The following ADAMTS20 variants were observed in gnomAD, a reference collection of about 807,000 sequenced individuals.
The protein encoded by ADAMTS20 is A disintegrin and metalloproteinase with thrombospondin motifs 20.
In ADAMTS20, 225 loss-of-function variants were observed where a neutral mutation model predicts 260.1. The ratio of observed to expected loss-of-function variants is 0.87; its 90% CI spans 0.78 to 0.97. The LOEUF (loss-of-function observed/expected upper bound fraction) is 0.97, where lower values mean the gene tolerates loss of function less well. Ranked by LOEUF, ADAMTS20 falls within the 50% of genes least tolerant of loss-of-function variation. The pLI, the probability that ADAMTS20 is intolerant of heterozygous loss-of-function variation, is 0.00. For synonymous variants in ADAMTS20, 802 were observed against 769.5 expected, an observed-to-expected ratio of 1.04 and a Z score of -0.70; for missense variants, 2,400 against 2,337.7, an observed-to-expected ratio of 1.03 and a Z score of -0.55.
chr12:43,420,825 T>TTTTCC (rs1941216935), intron 28 of ADAMTS20, among the ~76,000 whole-genome samples: 1 of 111,216 alleles, frequency 9.0e-6, no homozygotes, highest in African/African-American at 3.9e-5. Flanking sequence ...TTTTTTTTTT[T>TTTTCC]GAGATGGGGT....
rs566102301 is a variant in ADAMTS20 at position 43,424,355 on chromosome 12, T to C, written c.4284+1159A>G. ...GAACAAAGTTTATGAGTTTTGTCTA[T>C]GGCTCCAATAAAAACCCAGAAAATT... On this transcript the variant is annotated intron_variant, in intron 28 of 38. Coordinates refer to ENST00000389420, the MANE Select transcript of ADAMTS20 (RefSeq NM_025003.5). 6.4e-4 allele frequency among the ~76,000 whole-genome samples: 98 copies of C among 152,208 alleles called. 2 individuals carry two copies. In the South Asian group the frequency reaches 0.018, roughly 29 times the overall value.
At chr12:43,497,814 A>C (rs1942698660) in intron 4 of ADAMTS20, among the ~76,000 whole-genome samples, 1 of 152,116 alleles carries the variant, frequency 6.6e-6, no homozygotes, top group Admixed American at 6.5e-5. Context: ...ATTCTTGAGG[A>C]TTACATGATG....
chr12:43,526,186 G>C (rs774206985), intron 3 of ADAMTS20, among the ~76,000 whole-genome samples: 18 of 152,226 alleles, frequency 1.2e-4, no homozygotes, highest in Non-Finnish European at 2.1e-4. Flanking sequence ...CAGGCGCGCA[G>C]TGGCTCACGC....
At chr12:43,542,969 G>T (rs1943395849) in intron 2 of ADAMTS20, among the ~76,000 whole-genome samples, 4 of 152,110 alleles carry the variant, frequency 2.6e-5, no homozygotes, top group Admixed American at 2.0e-4. Context: ...CCAGAAGGTA[G>T]AACCAAGGAT....
rs1940414902 is a variant in ADAMTS20 at position 43,383,966 on chromosome 12, G to A, written c.4464C>T (p.Thr1488=). The A allele has an allele frequency of 1.9e-6, 3 of 1,613,532 alleles. No individual in the cohort carries two copies. The East Asian group carries it at 6.7e-5, about 36-fold the overall frequency. ...CCCTCTGCTGAACTCCAGAGCCACA[G>A]GTCACAGAGCACTACAAAGGAGTCC... ...KANSWNECSV[T]CGSGVQQRDV... is the part of the protein sequence containing the mutation. The change falls in exon 30 of 39, where the codon ACC becomes ACT. Residue 1488 remains threonine (T), a synonymous_variant. Transcript: ENST00000389420.
At chr12:43,391,828 C>A (rs866053191) in intron 29 of ADAMTS20, among the ~76,000 whole-genome samples, 1 of 152,126 alleles carries the variant, frequency 6.6e-6, no homozygotes, top group Non-Finnish European at 1.5e-5. Flanking sequence ...CTAAGAATTT[C>A]GTTTACCCAG....
Position 43,432,662 on chromosome 12 carries a change from G to T in ADAMTS20, c.2870C>A (p.Thr957Asn). 6.2e-7 allele frequency: 1 copy of T among 1,613,924 alleles called. No homozygotes were observed. The highest frequency in any genetic ancestry group is 2.2e-5 in the East Asian group (1 of 44,866). The change falls in exon 20 of 39, where the codon ACC becomes AAC. Residue 957 changes from threonine (T) to asparagine (N), a missense_variant. Thr to Asn is a moderately conservative substitution (Grantham distance 65). Coordinates refer to ENST00000389420, the MANE Select transcript of ADAMTS20 (RefSeq NM_025003.5). The stretch of plus-strand genomic sequence containing the variant: ...ACAGTTACCATGGCATAGTTCTTGG[G>T]TAGGAGGTTTAAGCTGGTCACCACA... ...HYCGDQLKPP[T>N]QELCHGNCVF...
rs777110059 is a variant in ADAMTS20 at position 43,383,607 on chromosome 12, C to A, written c.4748G>T (p.Cys1583Phe). Residue 1583 changes from cysteine to phenylalanine, a missense_variant, in exon 31 of 39, where the codon TGC (cysteine) becomes TTC (phenylalanine). Coordinates refer to ENST00000389420, the MANE Select transcript of ADAMTS20 (RefSeq NM_025003.5). ...SSTISLTSKN[C>F]RNPPCNYIVV... ...AATGTAATTGCAAGGAGGGTTCCTG[C>A]AATTCTTGGATGTAAGAGATATGGT... 6 of 1,613,594 alleles carry A rather than the reference C, an allele frequency of 3.7e-6. No homozygotes were observed. Among genetic ancestry groups the A allele is most frequent in the Non-Finnish European group, 5.1e-6 (6 of 1,179,734 alleles).
At chr12:43,538,953 CT>C (rs36106874) in intron 2 of ADAMTS20, among the ~76,000 whole-genome samples, 47,772 of 116,942 alleles carry the variant, frequency 0.41, 7,954 homozygotes, top group Admixed American at 0.46. Context: ...TATGAACATT[CT>C]TTTTTTTTTT....
chr12:43,367,952 AACCT>A (rs759682244), intron 37 of ADAMTS20, among the ~76,000 whole-genome samples: 1 of 152,012 alleles, frequency 6.6e-6, no homozygotes, highest in Non-Finnish European at 1.5e-5. Context: ...GTTGAGCTGG[AACCT>A]ACTGCCCTAT....
chr12:43,409,629 A>AAAAAAAAAAC (rs1210941171), intron 28 of ADAMTS20, among the ~76,000 whole-genome samples: 4 of 142,286 alleles, frequency 2.8e-5, no homozygotes, highest in Non-Finnish European at 6.1e-5. Flanking sequence ...AAAAAAAAAA[A>AAAAAAAAAAC]ACAAGAAAAT....
intron 14 of ADAMTS20, among the ~76,000 whole-genome samples, chr12:43,447,638 C>A (rs539873486): frequency 8.6e-5 from 13 of 151,894 alleles, no homozygotes; most frequent in African/African-American, 3.1e-4. Flanking sequence ...AAGTCCTGGC[C>A]AGAACAATCA....
chr12:43,437,428 GA>G (rs888251163), intron 18 of ADAMTS20, among the ~76,000 whole-genome samples: 4 of 151,940 alleles, frequency 2.6e-5, no homozygotes, highest in Non-Finnish European at 5.9e-5. Flanking sequence ...AAAAATAGAT[GA>G]AAAAACAACC....
chr12:43,413,430 A>T (rs1267064991), intron 28 of ADAMTS20, among the ~76,000 whole-genome samples: 1 of 152,168 alleles, frequency 6.6e-6, no homozygotes, highest in Non-Finnish European at 1.5e-5. Context: ...AAATGGTTCT[A>T]CTGTGAGCAA....
chr12:43,507,748 C>T (rs1942866395), intron 3 of ADAMTS20, among the ~76,000 whole-genome samples: 1 of 152,068 alleles, frequency 6.6e-6, no homozygotes. Flanking sequence ...CCTAAATGCC[C>T]ATCGATGACA....
chr12:43,530,696 C>T (rs976056322), intron 3 of ADAMTS20, among the ~76,000 whole-genome samples: 1 of 152,082 alleles, frequency 6.6e-6, no homozygotes, highest in African/African-American at 2.4e-5. Flanking sequence ...TTTTCTCCAT[C>T]ATATCGTTGC....
chr12:43,491,527 T>G (rs1942599711), intron 6 of ADAMTS20, among the ~76,000 whole-genome samples: 2 of 152,174 alleles, frequency 1.3e-5, no homozygotes. Flanking sequence ...CTTTGGTTAG[T>G]CAACCAAATA....
At chr12:43,526,871 C>T (rs1284547409) in intron 3 of ADAMTS20, among the ~76,000 whole-genome samples, 1 of 150,984 alleles carries the variant, frequency 6.6e-6, no homozygotes, top group African/African-American at 2.4e-5. Context: ...ACCACAAAAA[C>T]AATACAAAAA....
At chr12:43,418,038 T>C (rs2137282899) in intron 28 of ADAMTS20, among the ~76,000 whole-genome samples, 1 of 152,328 alleles carries the variant, frequency 6.6e-6, no homozygotes. Flanking sequence ...TGTTTTAGTT[T>C]TAAGCACACA....
Sources: gnomAD v4.1 joint callset for allele counts (sites outside exome capture counted in the v4.1 genomes callset) on GRCh38, gnomAD v4.1.1 for gene constraint, MANE v1.5 for transcripts, NCBI Gene and HGNC (gene_info 2026-07-23, HGNC 2026-07-21) for gene names.